ZNRF1: variants seen among roughly 807,000 people sequenced by gnomAD.
The protein encoded by ZNRF1 is E3 ubiquitin-protein ligase ZNRF1.
ZNRF1 carries 3 observed loss-of-function variants against 18.4 expected under a neutral mutation model. That is an observed-to-expected ratio of 0.16 (90% CI 0.07 to 0.42). ZNRF1 has a LOEUF of 0.42. Among genes scored for constraint, ZNRF1 ranks in the 10% least tolerant of loss-of-function variants. The pLI is 0.99. For missense variants in ZNRF1, 310 were observed against 329.8 expected, an observed-to-expected ratio of 0.94 and a Z score of 0.47; for synonymous variants, 157 against 144.2, an observed-to-expected ratio of 1.09 and a Z score of -0.64.
At chr16:75,033,945 GAGACC>G (rs1190613824) in intron 1 of ZNRF1, among the ~76,000 whole-genome samples, 3 of 151,386 alleles carry the variant, frequency 2.0e-5, no homozygotes, top group African/African-American at 7.3e-5. Flanking sequence ...TCAGGAGTTT[GAGACC>G]AGTCTGGGCA....
At chr16:75,093,384 C>CAAAAA (rs574718849) in intron 1 of ZNRF1, among the ~76,000 whole-genome samples, 188 bp from the exon 2 acceptor site, 1 of 67,918 alleles carries the variant, frequency 1.5e-5, no homozygotes, top group Non-Finnish European at 3.2e-5. Context: ...GACTTCGTCT[C>CAAAAA]AAAAAAAAAA....
chr16:75,078,296 C>CTTTTTTT (rs36075131), intron 1 of ZNRF1, among the ~76,000 whole-genome samples: 6 of 113,124 alleles, frequency 5.3e-5, no homozygotes, highest in East Asian at 2.3e-4. Context: ...TCTTTCTTTC[C>CTTTTTTT]TTTTTTTTTT....
At chr16:75,094,495 T>G (rs1488289595) in intron 2 of ZNRF1, among the ~76,000 whole-genome samples, 1 of 152,226 alleles carries the variant, frequency 6.6e-6, no homozygotes, top group Non-Finnish European at 1.5e-5. Flanking sequence ...GTCTACAATC[T>G]TATACAAGTT....
intron 1 of ZNRF1, among the ~76,000 whole-genome samples, chr16:75,013,800 T>C (rs1256523914): frequency 6.6e-6 from 1 of 152,140 alleles, no homozygotes; most frequent in Non-Finnish European, 1.5e-5. Flanking sequence ...TTTGGTGTCT[T>C]GGAATTATTT....
chr16:75,050,251 T>A lies in ZNRF1; in HGVS notation c.425-43321T>A, dbSNP rs140903341. On this transcript the variant is annotated intron_variant, in intron 1 of 4. Coordinates refer to ENST00000335325, the MANE Select transcript of ZNRF1 (RefSeq NM_032268.5). Reference sequence around the variant, plus strand: ...CCTTTTTAAAATACTTGTGCCCAGATGCAGTGGCTCACTCCTGTAATCCCG... The same window carrying A: ...CCTTTTTAAAATACTTGTGCCCAGAAGCAGTGGCTCACTCCTGTAATCCCG... Among the ~76,000 whole-genome samples the A allele has an allele frequency of 3.6e-3, 551 of 152,256 alleles. 6 individuals carry two copies. Among genetic ancestry groups the A allele is most frequent in the African/African-American group, 0.013 (529 of 41,580 alleles).
chr16:75,078,533 A>G (rs1406613275), intron 1 of ZNRF1, among the ~76,000 whole-genome samples: 2 of 152,054 alleles, frequency 1.3e-5, no homozygotes, highest in Non-Finnish European at 2.9e-5. Flanking sequence ...TCCCAACCTC[A>G]TGTGATCCAC....
intron 1 of ZNRF1, among the ~76,000 whole-genome samples, chr16:75,051,464 C>T (rs1196594565): frequency 6.6e-6 from 1 of 152,224 alleles, no homozygotes; most frequent in African/African-American, 2.4e-5. Context: ...CCGCCTTGGC[C>T]TCCCAAAGTG....
At chr16:75,058,568 C>T (rs973385434) in intron 1 of ZNRF1, among the ~76,000 whole-genome samples, 1 of 152,098 alleles carries the variant, frequency 6.6e-6, no homozygotes, top group Non-Finnish European at 1.5e-5. Flanking sequence ...GAAATGACTG[C>T]CATAGTGGGG....
At chr16:75,080,019 G>A (rs958183034) in intron 1 of ZNRF1, among the ~76,000 whole-genome samples, 1 of 152,226 alleles carries the variant, frequency 6.6e-6, no homozygotes, top group African/African-American at 2.4e-5. Flanking sequence ...GGGTTCAAGC[G>A]ATTCTCCTGC....
chr16:75,020,820 G>A (rs1011947820), intron 1 of ZNRF1, among the ~76,000 whole-genome samples: 3 of 152,146 alleles, frequency 2.0e-5, no homozygotes, highest in Admixed American at 2.0e-4. Flanking sequence ...GGGATTACAG[G>A]CGTGAGCCAC....
chr16:75,020,550 C>CT (rs920704129), intron 1 of ZNRF1, among the ~76,000 whole-genome samples: 8 of 146,448 alleles, frequency 5.5e-5, no homozygotes, highest in Non-Finnish European at 8.9e-5. Flanking sequence ...CTTTTCTTTT[C>CT]TTTTTTTTTG....
intron 1 of ZNRF1, chr16:75,000,504 A>C (rs967680926): frequency 5.6e-6 from 2 of 355,996 alleles, no homozygotes; most frequent in African/African-American, 4.2e-5. Context: ...AGTGTCTCCT[A>C]AACAGAGTGT....
intron 1 of ZNRF1, among the ~76,000 whole-genome samples, chr16:75,040,485 A>C (rs1044548251): frequency 1.3e-5 from 2 of 151,380 alleles, no homozygotes; most frequent in South Asian, 4.2e-4. Flanking sequence ...GGCAACTGCT[A>C]TCTCTCTAGA....
At chr16:75,011,843 G>T (rs1436817270) in intron 1 of ZNRF1, among the ~76,000 whole-genome samples, 1 of 152,164 alleles carries the variant, frequency 6.6e-6, no homozygotes, top group Non-Finnish European at 1.5e-5. Context: ...GAATCTAAAT[G>T]TCTCCAGTTT....
rs1431229326 is a variant in ZNRF1, at chr16:75,107,710, CTTAT to C, written c.*33-17_*33-14del. The stretch of plus-strand genomic sequence containing the variant: ...CAGCCCTCGGCCCGATGGAGCACGA[CTTAT>C]TTATTACGGTCCACACAGGGACAGA... On this transcript the variant is annotated intron_variant, in intron 4 of 4. Coordinates refer to ENST00000335325, the MANE Select transcript of ZNRF1 (RefSeq NM_032268.5). 6.6e-6 allele frequency: 3 copies of C among 456,248 alleles called. No homozygotes were observed. Among genetic ancestry groups the C allele is most frequent in the Non-Finnish European group, 1.3e-5 (3 of 226,808 alleles). The allele number at this position is 456,248 out of a possible 1,614,324, so 28.3% of individuals were successfully genotyped here.
intron 2 of ZNRF1, chr16:75,095,725 C>G: frequency 6.5e-7 from 1 of 1,543,982 alleles, no homozygotes; most frequent in Non-Finnish European, 8.8e-7. Flanking sequence ...AGAGTTACCC[C>G]CACTGCCCTG....
At chr16:75,099,325 A>G (rs2036231316) in intron 2 of ZNRF1, among the ~76,000 whole-genome samples, 1 of 152,152 alleles carries the variant, frequency 6.6e-6, no homozygotes, top group Non-Finnish European at 1.5e-5. Flanking sequence ...TGCTTTGACA[A>G]ATAGCAGCTG....
intron 1 of ZNRF1, among the ~76,000 whole-genome samples, chr16:75,090,729 A>G (rs1234875278): frequency 1.3e-5 from 2 of 152,130 alleles, no homozygotes; most frequent in African/African-American, 2.4e-5. Flanking sequence ...GTAGTTAGCC[A>G]GGCCCTGAAT....
At chr16:75,022,310 TC>T (rs2035161498) in intron 1 of ZNRF1, among the ~76,000 whole-genome samples, 1 of 151,154 alleles carries the variant, frequency 6.6e-6, no homozygotes, top group African/African-American at 2.4e-5. Context: ...ACGCCTGTAA[TC>T]CCAGCACTTT....
Sources: gnomAD v4.1 joint callset for allele counts (sites outside exome capture counted in the v4.1 genomes callset) on GRCh38, gnomAD v4.1.1 for gene constraint, MANE v1.5 for transcripts, NCBI Gene and HGNC (gene_info 2026-07-23, HGNC 2026-07-21) for gene names.